The following STXBP5L variants were observed in gnomAD, a reference collection of about 807,000 sequenced individuals.
The protein encoded by STXBP5L is syntaxin-binding protein 5-like.
Under a neutral mutation model 144.5 loss-of-function variants are expected in STXBP5L, and 65 were observed. The ratio of observed to expected loss-of-function variants is 0.45; its 90% CI spans 0.37 to 0.55. The LOEUF (loss-of-function observed/expected upper bound fraction) is 0.55. Among genes scored for constraint, STXBP5L ranks in the 20% least tolerant of loss-of-function variants. The probability of loss-of-function intolerance (pLI) is 0.00; values close to 1 mark genes in which losing one functional copy is unlikely to be tolerated. For missense variants in STXBP5L, 1,298 were observed against 1,405.5 expected (o/e 0.92, Z 1.22); for synonymous variants, 505 against 469.6 (o/e 1.08, Z -0.97).
At chr3:121,058,545 C>T (rs1024123859) in intron 5 of STXBP5L, among the ~76,000 whole-genome samples, 1 of 152,200 alleles carries the variant, frequency 6.6e-6, no homozygotes, top group Non-Finnish European at 1.5e-5. Flanking sequence ...CTTGAAGAAT[C>T]GCCACAGTCT....
At chr3:121,194,894 G>T (rs1577179043) in intron 9 of STXBP5L, among the ~76,000 whole-genome samples, 1 of 144,550 alleles carries the variant, frequency 6.9e-6, no homozygotes. Context: ...TCTGAGATAG[G>T]TCCCTCTTTT....
At chr3:121,282,575 A>G (rs1389080277) in intron 19 of STXBP5L, among the ~76,000 whole-genome samples, 2 of 152,002 alleles carry the variant, frequency 1.3e-5, no homozygotes, top group Non-Finnish European at 1.5e-5. Context: ...ATTTCCAACC[A>G]TGCAGACCAT....
chr3:121,424,529 C>T lies in STXBP5L; in HGVS notation c.*5432C>T, dbSNP rs2047419386. 6.8e-6 allele frequency: 1 copy of T among 147,838 alleles called. No homozygotes were observed. The highest frequency in any genetic ancestry group is 2.5e-5 in the African/African-American group (1 of 40,616). The allele number at this position is 147,838 out of a possible 1,614,324, so 9.2% of individuals were successfully genotyped here. A position where few individuals can be genotyped will look rare whatever the true frequency, so the allele number is the denominator to read the frequency against. ...GGTTTTGGACAATTGTACACAGGAA[C>T]AGAATCTCTAATAACCTATAATTTT... On this transcript the variant is annotated 3_prime_UTR_variant, in exon 27 of 27. Coordinates refer to ENST00000471454, the MANE Select transcript of STXBP5L (RefSeq NM_001308330.2).
intron 9 of STXBP5L, among the ~76,000 whole-genome samples, chr3:121,196,631 T>C (rs2047930467): frequency 6.6e-6 from 1 of 152,036 alleles, no homozygotes; most frequent in Non-Finnish European, 1.5e-5. Context: ...TTAATGTGAA[T>C]GGTGAGGATA....
At chr3:121,157,648 A>G in intron 9 of STXBP5L, 21 bp downstream of exon 9, 1 of 1,587,620 alleles carries the variant, frequency 6.3e-7, no homozygotes, top group African/African-American at 1.4e-5. Flanking sequence ...TGCTTTCAAA[A>G]GGAATAAACA....
intron 2 of STXBP5L, among the ~76,000 whole-genome samples, chr3:120,913,187 G>A (rs955171422): frequency 6.6e-6 from 1 of 151,880 alleles, no homozygotes; most frequent in Admixed American, 6.5e-5. Context: ...TGTCACTGCC[G>A]TTATACTATG....
intron 20 of STXBP5L, among the ~76,000 whole-genome samples, chr3:121,352,915 C>A (rs1418577476): frequency 6.6e-6 from 1 of 151,930 alleles, no homozygotes; most frequent in African/African-American, 2.4e-5. Flanking sequence ...TTGTCAAAGG[C>A]CTTTTCTGCA....
chr3:120,946,121 T>G (rs771895883), intron 2 of STXBP5L, among the ~76,000 whole-genome samples: 1 of 151,876 alleles, frequency 6.6e-6, no homozygotes, highest in Non-Finnish European at 1.5e-5. Flanking sequence ...TAATATTTAC[T>G]TCTTTTTAAA....
chr3:121,055,492 C>T (rs1948390851), intron 5 of STXBP5L, among the ~76,000 whole-genome samples: 3 of 152,078 alleles, frequency 2.0e-5, no homozygotes, highest in South Asian at 4.2e-4. Flanking sequence ...AATAGGCTTT[C>T]ATTATTATTA....
At chr3:120,949,674 T>TCCTTTC (rs774380235) in intron 2 of STXBP5L, among the ~76,000 whole-genome samples, 1 of 152,056 alleles carries the variant, frequency 6.6e-6, no homozygotes, top group Non-Finnish European at 1.5e-5. Context: ...AAATAGGGTG[T>TCCTTTC]CCTTTCCCTA....
At chr3:121,062,543 G>A (rs1325952133) in intron 5 of STXBP5L, among the ~76,000 whole-genome samples, 1 of 152,122 alleles carries the variant, frequency 6.6e-6, no homozygotes, top group Non-Finnish European at 1.5e-5. Context: ...TTTGAATGTT[G>A]GCCTGGGCCT....
intron 20 of STXBP5L, among the ~76,000 whole-genome samples, chr3:121,339,090 C>G (rs917633497): frequency 6.6e-6 from 1 of 151,822 alleles, no homozygotes; most frequent in South Asian, 2.1e-4. Flanking sequence ...AAAGGGCATA[C>G]AAAACAAAAC....
intron 7 of STXBP5L, among the ~76,000 whole-genome samples, chr3:121,134,203 T>C (rs1430470514): frequency 6.6e-6 from 1 of 152,138 alleles, no homozygotes; most frequent in Non-Finnish European, 1.5e-5. Flanking sequence ...CCCGAGGTGG[T>C]GCAGGGCATC....
chr3:121,152,731 C>A (rs970805144), intron 8 of STXBP5L, among the ~76,000 whole-genome samples, 171 bp downstream of exon 8: 3 of 152,084 alleles, frequency 2.0e-5, no homozygotes, highest in Non-Finnish European at 4.4e-5. Context: ...CTAGATTTTT[C>A]TTTTAAGAGG....
intron 5 of STXBP5L, among the ~76,000 whole-genome samples, chr3:121,061,527 T>C (rs1330516404): frequency 3.3e-5 from 5 of 152,208 alleles, no homozygotes; most frequent in African/African-American, 1.2e-4. Context: ...TGAACATCCT[T>C]GTTAATTTTT....
intron 5 of STXBP5L, among the ~76,000 whole-genome samples, chr3:121,082,953 C>T (rs1316015513): frequency 2.0e-5 from 3 of 152,154 alleles, no homozygotes; most frequent in African/African-American, 7.2e-5. Context: ...AATCCCAGCA[C>T]TTTGGGAGGC....
At chr3:121,035,936 C>T (rs903105121) in intron 3 of STXBP5L, among the ~76,000 whole-genome samples, 3 of 152,080 alleles carry the variant, frequency 2.0e-5, no homozygotes, top group Non-Finnish European at 4.4e-5. Context: ...GGTCTTAAAA[C>T]ATCTTTTGTT....
intron 5 of STXBP5L, among the ~76,000 whole-genome samples, chr3:121,083,229 C>T (rs1257868336): frequency 6.6e-6 from 1 of 151,926 alleles, no homozygotes; most frequent in Non-Finnish European, 1.5e-5. Flanking sequence ...AAAAAAATCA[C>T]TTTTACATTT....
chr3:121,082,806 T>C (rs9875808), intron 5 of STXBP5L, among the ~76,000 whole-genome samples: 32,000 of 152,240 alleles, frequency 0.21, 3,561 homozygotes, highest in Non-Finnish European at 0.25. Context: ...ACAACATTGA[T>C]TGATTTTTGA....
Sources: gnomAD v4.1 joint callset for allele counts (sites outside exome capture counted in the v4.1 genomes callset) on GRCh38, gnomAD v4.1.1 for gene constraint, MANE v1.5 for transcripts, NCBI Gene and HGNC (gene_info 2026-07-23, HGNC 2026-07-21) for gene names.